Variants in PDE10A observed in about 807,000 individuals in gnomAD.
The protein encoded by PDE10A is phosphodiesterase 10A.
A neutral mutation model predicts 97.7 loss-of-function variants in PDE10A; 39 were observed. The observed-to-expected ratio is 0.40, with a 90% CI of 0.31 to 0.52. The LOEUF (loss-of-function observed/expected upper bound fraction) is 0.52. Ranked by LOEUF, PDE10A falls within the 20% of genes least tolerant of loss-of-function variation. PDE10A has a pLI of 0.56. For synonymous variants in PDE10A, 371 were observed against 376.8 expected (o/e 0.98, Z 0.18); for missense variants, 731 against 1,047.8 (o/e 0.70, Z 4.17).
chr6:165,588,288 T>TC (rs71029554), intron 1 of PDE10A, among the ~76,000 whole-genome samples: 71,029 of 104,574 alleles, frequency 0.68, 24,772 homozygotes, highest in Non-Finnish European at 0.8. Flanking sequence ...TTTCTTTTTT[T>TC]TTTTTTTTTT....
chr6:165,953,933 C>T (rs938022596), intron 1 of PDE10A, among the ~76,000 whole-genome samples: 8 of 152,194 alleles, frequency 5.3e-5, no homozygotes, highest in Non-Finnish European at 1.2e-4. Context: ...TCCATCCTCC[C>T]GAGCCCCGGC....
chr6:165,778,681 G>A (rs1031843741), intron 1 of PDE10A, among the ~76,000 whole-genome samples: 2 of 152,108 alleles, frequency 1.3e-5, no homozygotes, highest in Non-Finnish European at 2.9e-5. Context: ...ATCAATAACG[G>A]GTAAGGATTT....
chr6:165,777,096 C>A (rs1290130807), intron 1 of PDE10A, among the ~76,000 whole-genome samples: 1 of 152,182 alleles, frequency 6.6e-6, no homozygotes, highest in Non-Finnish European at 1.5e-5. Flanking sequence ...TAATACCTGG[C>A]ACTCCATGCT....
intron 18 of PDE10A, among the ~76,000 whole-genome samples, chr6:165,347,132 G>A (rs1385187604): frequency 6.6e-6 from 1 of 150,952 alleles, no homozygotes; most frequent in African/African-American, 2.4e-5. Flanking sequence ...CATTTTCAAG[G>A]GATTTTAAAT....
At position 165,913,103 on chromosome 6, in the gene PDE10A, C is replaced by A. The variant is rs555250120; in HGVS notation, c.-615+74426G>T. Among the ~76,000 whole-genome samples, 18 of 152,312 alleles carry A rather than the reference C, an allele frequency of 1.2e-4. No individual in the cohort carries two copies. The South Asian group carries it at 1.7e-3, about 14-fold the overall frequency. Reference sequence around the variant, plus strand: ...TCTAAATTATTACATAAAACTACCTCAGGCTATGTGCAGGAAATATATATG... The same window carrying A: ...TCTAAATTATTACATAAAACTACCTAAGGCTATGTGCAGGAAATATATATG... On this transcript the variant is annotated intron_variant, in intron 1 of 19. Transcript: ENST00000366882.
intron 1 of PDE10A, among the ~76,000 whole-genome samples, chr6:165,823,597 TG>T (rs2128469591): frequency 6.7e-6 from 1 of 148,690 alleles, no homozygotes; most frequent in African/African-American, 2.5e-5. Flanking sequence ...TATATAAATA[TG>T]TATGTAGGAG....
chr6:165,524,326 C>T (rs928809043), intron 2 of PDE10A, among the ~76,000 whole-genome samples: 2 of 152,072 alleles, frequency 1.3e-5, no homozygotes, highest in African/African-American at 4.8e-5. Flanking sequence ...TTTTGGGGTT[C>T]CTGGAGTTGG....
intron 2 of PDE10A, among the ~76,000 whole-genome samples, chr6:165,522,639 A>G (rs1447496808): frequency 2.0e-5 from 3 of 152,186 alleles, no homozygotes; most frequent in African/African-American, 7.2e-5. Context: ...AGAGCCATCT[A>G]TAACAAATCC....
chr6:165,381,772 C>T (rs534028607), intron 17 of PDE10A, among the ~76,000 whole-genome samples: 5 of 151,942 alleles, frequency 3.3e-5, no homozygotes, highest in Non-Finnish European at 5.9e-5. Context: ...TGAGCCACCG[C>T]GCCCGGCCAC....
chr6:165,699,790 G>T (rs1791523867), intron 1 of PDE10A, among the ~76,000 whole-genome samples: 1 of 152,084 alleles, frequency 6.6e-6, no homozygotes, highest in Admixed American at 6.6e-5. Flanking sequence ...ACATAAAAAT[G>T]AAGACATAGC....
At chr6:165,687,968 G>A (rs148631993) in intron 1 of PDE10A, among the ~76,000 whole-genome samples, 2 of 152,192 alleles carry the variant, frequency 1.3e-5, no homozygotes, top group South Asian at 2.1e-4. Flanking sequence ...AGATGTGAAC[G>A]AGGACGGCTC....
At chr6:165,648,357 C>T (rs1789512805) in intron 1 of PDE10A, among the ~76,000 whole-genome samples, 1 of 151,802 alleles carries the variant, frequency 6.6e-6, no homozygotes, top group Admixed American at 6.6e-5. Flanking sequence ...CTGTTTCTTA[C>T]TGAGAAGTCA....
At chr6:165,660,364 CG>C (rs770894922) in intron 1 of PDE10A, 2 of 152,280 alleles carry the variant, frequency 1.3e-5, no homozygotes, top group Non-Finnish European at 2.9e-5. Flanking sequence ...AGGCAGACAC[CG>C]GGGGGGAGGA....
chr6:165,410,210 G>A (rs549304174), intron 13 of PDE10A, among the ~76,000 whole-genome samples: 404 of 152,142 alleles, frequency 2.7e-3, no homozygotes, highest in African/African-American at 9.3e-3. Context: ...GGCTAATAAA[G>A]GTTTCTGAAA....
chr6:165,564,174 TGG>T (rs531772378), intron 1 of PDE10A, among the ~76,000 whole-genome samples: 50 of 152,338 alleles, frequency 3.3e-4, no homozygotes, highest in African/African-American at 1.1e-3. Context: ...GATTATTAAC[TGG>T]TGGATTTCCA....
intron 5 of PDE10A, 39 bp from the exon 6 acceptor site, chr6:165,435,416 C>A: frequency 6.3e-7 from 1 of 1,581,388 alleles, no homozygotes; most frequent in Non-Finnish European, 8.6e-7. Flanking sequence ...CTTTCCTGTA[C>A]ATGTGCATAG....
At chr6:165,810,211 C>T (rs893665549) in intron 1 of PDE10A, among the ~76,000 whole-genome samples, 8 of 152,174 alleles carry the variant, frequency 5.3e-5, no homozygotes, top group Admixed American at 3.9e-4. Flanking sequence ...GAGGAGAGAG[C>T]ACCACCCTTG....
intron 1 of PDE10A, among the ~76,000 whole-genome samples, chr6:165,964,423 T>C (rs1332353931): frequency 6.6e-6 from 1 of 152,260 alleles, no homozygotes; most frequent in Non-Finnish European, 1.5e-5. Context: ...TGTTCTCTTT[T>C]GTGTCATTGC....
At chr6:165,691,106 T>TCCCCCC (rs35264122) in intron 1 of PDE10A, among the ~76,000 whole-genome samples, 6 of 39,092 alleles carry the variant, frequency 1.5e-4, no homozygotes, top group African/African-American at 3.4e-4. Flanking sequence ...TCTTTCTCTC[T>TCCCCCC]CCCCCCCCCC....
Sources: allele counts gnomAD v4.1 joint callset (sites outside exome capture counted in the v4.1 genomes callset), GRCh38; gene constraint gnomAD v4.1.1; transcripts MANE v1.5; gene names NCBI Gene and HGNC (gene_info 2026-07-23, HGNC 2026-07-21).